Variants in MALT1 observed in about 807,000 individuals in gnomAD.
MALT1 encodes MALT1 paracaspase.
A neutral mutation model predicts 85.5 loss-of-function variants in MALT1; 36 were observed. The ratio of observed to expected loss-of-function variants is 0.42; its 90% confidence interval spans 0.32 to 0.56. MALT1 has a LOEUF of 0.56. Ranked by LOEUF, MALT1 falls within the 20% of genes least tolerant of loss-of-function variation. MALT1 has a pLI of 0.10. For missense variants in MALT1, 716 were observed against 981.6 expected, an observed-to-expected ratio of 0.73 and a Z score of 3.62; for synonymous variants, 359 against 361.3, an observed-to-expected ratio of 0.99 and a Z score of 0.07.
In MALT1 at chr18:58,751,634, T is replaced by A. The variant is rs2055448239; in HGVS notation, c.*3792T>A. On this transcript the variant is annotated 3_prime_UTR_variant, in exon 17 of 17. Transcript: ENST00000649217. ...ATCTCGTGCCAATTGCTTTGTAATA[T>A]TAAAGTAGGATTTACACAAGTGGAA... The A allele has an allele frequency of 2.0e-5, 3 of 152,190 alleles. No homozygotes were observed. In the South Asian group the frequency reaches 6.2e-4, roughly 32 times the overall value. 9.4% of individuals were successfully genotyped at this position (152,190 alleles called of 1,614,324 possible). A position where few individuals can be genotyped will look rare whatever the true frequency, so the allele number is the denominator to read the frequency against.
intron 10 of MALT1, 55 bp downstream of exon 10, chr18:58,723,306 CAAGTTAGGTTA>C: frequency 7.3e-7 from 1 of 1,365,852 alleles, no homozygotes; most frequent in East Asian, 2.4e-5. Context: ...TTTCATTATA[CAAGTTAGGTTA>C]AGAATTGAAA....
At chr18:58,689,370 C>T (rs2054460816) in intron 2 of MALT1, among the ~76,000 whole-genome samples, 1 of 152,000 alleles carries the variant, frequency 6.6e-6, no homozygotes, top group South Asian at 2.1e-4. Context: ...TAGTATCTAC[C>T]TTGTGTGGTT....
chr18:58,726,400 C>G (rs1465495511), intron 10 of MALT1, among the ~76,000 whole-genome samples: 1 of 152,118 alleles, frequency 6.6e-6, no homozygotes, highest in African/African-American at 2.4e-5. Flanking sequence ...TTCTTTTGGA[C>G]TATGCCTTTA....
At chr18:58,745,553 G>C in intron 15 of MALT1, 113 bp from the exon 16 acceptor site, 2 of 888,464 alleles carry the variant, frequency 2.3e-6, no homozygotes, top group Non-Finnish European at 1.7e-6. Context: ...CAAAATTCAC[G>C]AGAGGCCAGA....
chr18:58,706,523 T>C (rs940443423), intron 4 of MALT1, among the ~76,000 whole-genome samples: 5 of 152,238 alleles, frequency 3.3e-5, no homozygotes, highest in African/African-American at 1.2e-4. Flanking sequence ...TGTGGCACTC[T>C]TGAGTCTTTC....
chr18:58,717,053 G>C (rs972467691), intron 9 of MALT1, among the ~76,000 whole-genome samples: 2 of 152,144 alleles, frequency 1.3e-5, no homozygotes, highest in African/African-American at 2.4e-5. Context: ...ATTAGGCGTA[G>C]TAATATGCTT....
At chr18:58,706,251 G>T (rs949999680) in intron 4 of MALT1, among the ~76,000 whole-genome samples, 4 of 152,138 alleles carry the variant, frequency 2.6e-5, no homozygotes, top group Admixed American at 1.3e-4. Flanking sequence ...CTGCCGCCCA[G>T]ATTCAACTGA....
At chr18:58,672,162 G>A in intron 1 of MALT1, 1 of 265,304 alleles carries the variant, frequency 3.8e-6, no homozygotes. Context: ...AGGATAGTGA[G>A]AGAAGGAAAG....
At chr18:58,714,052 A>G in intron 7 of MALT1, 31 bp from the exon 8 acceptor site, 4 of 1,067,882 alleles carry the variant, frequency 3.7e-6, no homozygotes, top group Non-Finnish European at 5.7e-6. Flanking sequence ...TGTTTAGATT[A>G]CTTAATCTAT....
intron 10 of MALT1, among the ~76,000 whole-genome samples, chr18:58,725,070 C>G (rs572528900): frequency 6.7e-6 from 1 of 150,224 alleles, no homozygotes; most frequent in Non-Finnish European, 1.5e-5. Context: ...GTGAAGGTTG[C>G]AGTAAGCCGA....
intron 2 of MALT1, among the ~76,000 whole-genome samples, chr18:58,686,496 G>A (rs1277101253): frequency 2.6e-5 from 4 of 152,192 alleles, no homozygotes. Flanking sequence ...AACTAGCATT[G>A]TTGATGTGGA....
chr18:58,710,779 A>AT, intron 6 of MALT1, 142 bp from the exon 7 acceptor site: 1 of 597,056 alleles, frequency 1.7e-6, no homozygotes, highest in Admixed American at 3.7e-5. Context: ...ATTTATAGTT[A>AT]TATTGTTCAT....
In MALT1 at chr18:58,744,511, T is replaced by C; in HGVS notation, c.1911+16T>C. Reference sequence around the variant, plus strand: ...TTTTCCACTTGTGAGTCTCTTCTTTTATTTAAAATACAGTGATATATTCTC... The same window carrying C: ...TTTTCCACTTGTGAGTCTCTTCTTTCATTTAAAATACAGTGATATATTCTC... On this transcript the variant is annotated intron_variant, in intron 15 of 16. Transcript: ENST00000649217. The C allele has an allele frequency of 2.6e-6, 4 of 1,565,684 alleles. No homozygotes were observed. Among genetic ancestry groups the C allele is most frequent in the Non-Finnish European group, 3.5e-6 (4 of 1,148,472 alleles).
chr18:58,674,530 C>A (rs1217907408), intron 1 of MALT1, among the ~76,000 whole-genome samples: 1 of 152,120 alleles, frequency 6.6e-6, no homozygotes, highest in African/African-American at 2.4e-5. Flanking sequence ...TTAAGCTCAT[C>A]CCTATGGAGA....
intron 9 of MALT1, among the ~76,000 whole-genome samples, chr18:58,720,839 C>G (rs947522233): frequency 2.0e-5 from 3 of 151,936 alleles, no homozygotes; most frequent in African/African-American, 7.3e-5. Flanking sequence ...ATTTTACTAC[C>G]CCAGTAACTT....
In MALT1 at chr18:58,747,589, C is replaced by T; in HGVS notation, c.2222C>T (p.Ala741Val). The T allele has an allele frequency of 1.9e-6, 3 of 1,614,176 alleles. No homozygotes were observed. The highest frequency in any genetic ancestry group is 2.5e-6 in the Non-Finnish European group (3 of 1,180,020). The change falls in exon 17 of 17, where the codon GCA becomes GTA. Residue 741 changes from alanine to valine, a missense_variant. Around this residue, in one of 4 missense-constraint regions of MALT1, gnomAD observed 260 missense variants for 323.7 expected, o/e 0.80. Coordinates refer to ENST00000649217, the MANE Select transcript of MALT1 (RefSeq NM_006785.4). ...LMSNGPYQSS[A>V]ATSGGAGHYH... Reference sequence around the variant, plus strand: ...TCTAATGGTCCTTACCAGAGTTCTGCAGCCACCTCAGGAGGAGCAGGGCAT... The same window carrying T: ...TCTAATGGTCCTTACCAGAGTTCTGTAGCCACCTCAGGAGGAGCAGGGCAT...
intron 9 of MALT1, among the ~76,000 whole-genome samples, chr18:58,719,206 A>G (rs1005723315): frequency 3.9e-5 from 6 of 152,146 alleles, no homozygotes; most frequent in Non-Finnish European, 8.8e-5. Flanking sequence ...CTCTCATGCA[A>G]CTGCAGTCAG....
In MALT1 at chr18:58,745,936, AT is replaced by A. The variant is rs539773058; in HGVS notation, c.2037+147del. ...AGGTCCTATCAGTGACCCTTTTTAT[AT>A]TCTGTTTCCGATGGTGACCAGAGGA... On this transcript the variant is annotated intron_variant, in intron 16 of 16. Coordinates refer to ENST00000649217, the MANE Select transcript of MALT1 (RefSeq NM_006785.4). The A allele has an allele frequency of 6.0e-4, 410 of 685,488 alleles. 4 individuals carry two copies. The South Asian group carries it at 9.3e-3, about 16-fold the overall frequency. The allele number at this position is 685,488 out of a possible 1,614,324, so 42.5% of individuals were successfully genotyped here. A position where few individuals can be genotyped will look rare whatever the true frequency, so the allele number is the denominator to read the frequency against.
At chr18:58,719,632 C>A (rs943791359) in intron 9 of MALT1, among the ~76,000 whole-genome samples, 1 of 152,182 alleles carries the variant, frequency 6.6e-6, no homozygotes, top group African/African-American at 2.4e-5. Flanking sequence ...GTGGGGGTGA[C>A]TGTACTACAC....
Sources: gnomAD v4.1 joint callset for allele counts (sites outside exome capture counted in the v4.1 genomes callset) on GRCh38, gnomAD v4.1.1 for gene constraint, gnomAD v4.1.1 regional missense constraint, MANE v1.5 for transcripts, NCBI Gene and HGNC (gene_info 2026-07-23, HGNC 2026-07-21) for gene names.